PPP2R1A: variants seen among roughly 807,000 people sequenced by gnomAD.
PPP2R1A encodes protein phosphatase 2 scaffold subunit Aalpha, also known as serine/threonine-protein phosphatase 2A 65 kDa regulatory subunit A alpha isoform.
A neutral mutation model predicts 67.1 loss-of-function variants in PPP2R1A; 15 were observed. The ratio of observed to expected loss-of-function variants is 0.22; its 90% CI spans 0.15 to 0.34. PPP2R1A has a LOEUF of 0.34. Ranked by LOEUF, PPP2R1A falls within the 10% of genes least tolerant of loss-of-function variation. PPP2R1A has a pLI of 1.00. For synonymous variants in PPP2R1A, 337 were observed against 325.0 expected (o/e 1.04, Z -0.40); for missense variants, 369 against 775.0 (o/e 0.48, Z 6.22).
rs1444263517 is a variant in PPP2R1A, at chr19:52,195,260, CAG to C, written c.78+5091_78+5092del. Among the ~76,000 whole-genome samples the C allele has an allele frequency of 3.3e-5, 5 of 152,138 alleles. No homozygotes were observed. The East Asian group carries it at 7.7e-4, about 23-fold the overall frequency. On this transcript the variant is annotated intron_variant, in intron 1 of 14. Coordinates refer to ENST00000322088, the MANE Select transcript of PPP2R1A (RefSeq NM_014225.6). ...CTCTGTGCCGAGGCCTGCTGGGACA[CAG>C]AGAGTCCCAGTCTAGGGTGGTAAGT...
Position 52,225,915 on chromosome 19 carries a change from G to A in PPP2R1A, c.1754-50G>A, listed in dbSNP as rs765840738. Reference sequence around the variant, plus strand: ...GAGGGGGAGGTACCTTGGCATTGTGGGCAGAGAGAGGGCTCTGGTTCTGAT... The same window carrying A: ...GAGGGGGAGGTACCTTGGCATTGTGAGCAGAGAGAGGGCTCTGGTTCTGAT... On this transcript the variant is annotated intron_variant, in intron 14 of 14. Transcript: ENST00000322088. The A allele has an allele frequency of 5.6e-6, 9 of 1,614,138 alleles. No homozygotes were observed. The South Asian group carries it at 8.8e-5, about 16-fold the overall frequency.
At position 52,219,927 on chromosome 19, in the gene PPP2R1A, C is replaced by T; in HGVS notation, c.1302+63C>T. 6.5e-7 allele frequency: 1 copy of T among 1,534,782 alleles called. No homozygotes were observed. The highest frequency in any genetic ancestry group is 1.2e-5 in the South Asian group (1 of 81,358). ...CAGGGGAGGTGCAGTATGTCCAGGG[C>T]TGTGATGGGGAAACGGGGCTTTGAA... On this transcript the variant is annotated intron_variant, in intron 10 of 14. Coordinates refer to ENST00000322088, the MANE Select transcript of PPP2R1A (RefSeq NM_014225.6). The surrounding 1 kb of genome is among the most constrained non-coding windows in gnomAD (Gnocchi z 4.0).
intron 14 of PPP2R1A, 23 bp downstream of exon 14, chr19:52,225,831 C>A: frequency 6.2e-7 from 1 of 1,612,484 alleles, no homozygotes; most frequent in Non-Finnish European, 8.5e-7. Context: ...AAGCACGGAG[C>A]CCTAGCAGGA....
chr19:52,207,556 G>A (rs1462926671), intron 3 of PPP2R1A, among the ~76,000 whole-genome samples: 1 of 152,166 alleles, frequency 6.6e-6, no homozygotes, highest in Non-Finnish European at 1.5e-5. Context: ...TGACCGATGT[G>A]CCTGACGTTC....
chr19:52,209,041 A>G (rs2089637597), intron 3 of PPP2R1A, among the ~76,000 whole-genome samples: 1 of 152,120 alleles, frequency 6.6e-6, no homozygotes, highest in South Asian at 2.1e-4. Context: ...CCCTGCCTCC[A>G]GATATTCTGA....
At chr19:52,200,067 G>T (rs1235845735) in intron 1 of PPP2R1A, among the ~76,000 whole-genome samples, 2 of 152,210 alleles carry the variant, frequency 1.3e-5, no homozygotes, top group Admixed American at 6.5e-5. Context: ...CAAGATCTTA[G>T]TCACTTGTAG....
chr19:52,196,904 A>G (rs1161991134), intron 1 of PPP2R1A, among the ~76,000 whole-genome samples: 5 of 152,216 alleles, frequency 3.3e-5, no homozygotes, highest in East Asian at 3.8e-4. Context: ...CCCCATCCCT[A>G]TAAGTTGCAC....
chr19:52,206,959 C>G (rs1228052238), intron 3 of PPP2R1A, among the ~76,000 whole-genome samples: 2 of 152,042 alleles, frequency 1.3e-5, no homozygotes, highest in Admixed American at 1.3e-4. Flanking sequence ...CAGCCTTTCT[C>G]CTAGCTCTAG....
At chr19:52,217,166 G>C (rs1257151540) in intron 9 of PPP2R1A, among the ~76,000 whole-genome samples, 1 of 152,112 alleles carries the variant, frequency 6.6e-6, no homozygotes, top group Admixed American at 6.5e-5. Context: ...CTCCAGCCTG[G>C]ACAACAGAGC....
chr19:52,212,644 C>T lies in PPP2R1A; in HGVS notation c.504-42C>T, dbSNP rs752051857. 1.1e-5 allele frequency: 18 copies of T among 1,602,698 alleles called. No individual in the cohort carries two copies. Among genetic ancestry groups the T allele is most frequent in the Non-Finnish European group, 1.3e-5 (15 of 1,178,890 alleles). Reference sequence around the variant, plus strand: ...AGAGTCTGTGCTTGCTCCTCTCTGCCATACTGCCTGCTGCCTCAGGATCCC... The same window carrying T: ...AGAGTCTGTGCTTGCTCCTCTCTGCTATACTGCCTGCTGCCTCAGGATCCC... On this transcript the variant is annotated intron_variant, in intron 4 of 14. Coordinates refer to ENST00000322088, the MANE Select transcript of PPP2R1A (RefSeq NM_014225.6). This position sits in a 1 kb window ranked among gnomAD's most constrained non-coding sequence, Gnocchi z 4.1.
rs193171792 is a variant in PPP2R1A, at chr19:52,218,325, T to C, written c.1129-1366T>C. On this transcript the variant is annotated intron_variant, in intron 9 of 14. Coordinates refer to ENST00000322088, the MANE Select transcript of PPP2R1A (RefSeq NM_014225.6). ...TACTGCATCACATTTCAGTCCTCCA[T>C]GCCCCTAAAAGTTACGTTATTCAAT... 9.6e-4 allele frequency among the ~76,000 whole-genome samples: 147 copies of C among 152,346 alleles called. 3 individuals carry two copies. The East Asian group carries it at 0.021, about 22-fold the overall frequency.
intron 13 of PPP2R1A, among the ~76,000 whole-genome samples, chr19:52,225,151 G>A (rs1247780262): frequency 1.3e-5 from 2 of 150,728 alleles, no homozygotes; most frequent in East Asian, 3.9e-4. Context: ...CCAAGTAGCT[G>A]GGATCACAGG....
At chr19:52,208,751 G>T (rs1342553744) in intron 3 of PPP2R1A, among the ~76,000 whole-genome samples, 7 of 151,762 alleles carry the variant, frequency 4.6e-5, no homozygotes, top group African/African-American at 7.3e-5. Flanking sequence ...CACCTGCCTT[G>T]GCCTCCCAAA....
Position 52,213,211 on chromosome 19 carries a change from A to G in PPP2R1A, c.807+101A>G. 7.3e-7 allele frequency: 1 copy of G among 1,378,082 alleles called. No individual in the cohort carries two copies. Among genetic ancestry groups the G allele is most frequent in the South Asian group, 1.7e-5 (1 of 60,382 alleles). The allele number at this position is 1,378,082 out of a possible 1,614,324, so 85.4% of individuals were successfully genotyped here. Reference sequence around the variant, plus strand: ...AGGTTTCCATTAGGCCGATGGAACCATTGGGCGTTTGAGCAATAAGATCTC... The same window carrying G: ...AGGTTTCCATTAGGCCGATGGAACCGTTGGGCGTTTGAGCAATAAGATCTC... On this transcript the variant is annotated intron_variant, in intron 6 of 14. Coordinates refer to ENST00000322088, the MANE Select transcript of PPP2R1A (RefSeq NM_014225.6). This position sits in a 1 kb window ranked among gnomAD's most constrained non-coding sequence, Gnocchi z 4.2.
At chr19:52,206,553 G>A (rs1028365450) in intron 3 of PPP2R1A, among the ~76,000 whole-genome samples, 1 of 152,150 alleles carries the variant, frequency 6.6e-6, no homozygotes, top group Non-Finnish European at 1.5e-5. Flanking sequence ...TTTGGGGTAG[G>A]AGGGATTCCC....
rs1978547580 is a variant in PPP2R1A, at chr19:52,216,022, C to T, written c.941C>T (p.Ser314Leu). Residue 314 changes from serine (S) to leucine (L), a missense_variant, in exon 8 of 15, where the codon TCA (serine) becomes TTA (leucine). Physicochemically the swap from Ser to Leu is moderately radical, Grantham distance 145. Transcript: ENST00000322088. This position sits in a 1 kb window ranked among gnomAD's most constrained non-coding sequence, Gnocchi z 4.3. ...CCCACAGAGTTCTGTGAAAACCTCT[C>T]AGCTGACTGTCGGGAGAATGTGATC... ...HKVKEFCENL[S>L]ADCRENVIMS... 1 of 1,614,132 alleles carries T rather than the reference C, an allele frequency of 6.2e-7. No homozygotes were observed. Among genetic ancestry groups the T allele is most frequent in the African/African-American group, 1.3e-5 (1 of 75,064 alleles).
At position 52,210,727 on chromosome 19, in the gene PPP2R1A, C is replaced by T. The variant is rs564766298; in HGVS notation, c.271-533C>T. 8.5e-5 allele frequency among the ~76,000 whole-genome samples: 13 copies of T among 152,218 alleles called. No individual in the cohort carries two copies. The East Asian group carries it at 1.7e-3, about 20-fold the overall frequency. ...CAGGCTGGTCTTGAACTCCTGACCT[C>T]GTGATCCACCCGCTTCAGCCTCCCA... On this transcript the variant is annotated intron_variant, in intron 3 of 14. Coordinates refer to ENST00000322088, the MANE Select transcript of PPP2R1A (RefSeq NM_014225.6).
rs1469225090 is a variant in PPP2R1A at position 52,212,306 on chromosome 19, A to G, written c.504-380A>G. The stretch of plus-strand genomic sequence containing the variant: ...CACTATGTTGCTCAGGCTGGTCTTG[A>G]ACTCCTGGGCTCAAGCAATCCTCCT... On this transcript the variant is annotated intron_variant, in intron 4 of 14. Transcript: ENST00000322088. This position sits in a 1 kb window ranked among gnomAD's most constrained non-coding sequence, Gnocchi z 4.1. 6.6e-6 allele frequency among the ~76,000 whole-genome samples: 1 copy of G among 152,188 alleles called. No individual in the cohort carries two copies. The highest frequency in any genetic ancestry group is 1.9e-4 in the East Asian group (1 of 5,170).
rs1023697423 is a variant in PPP2R1A at position 52,215,773 on chromosome 19, C to G, written c.808-6C>G. ...TCACTCTCCCCCTCCTCCTTCCTGT[C>G]TGCAGCTCCAGAAAGCAGTGGGGCC... On this transcript the variant is annotated splice_polypyrimidine_tract_variant and splice_region_variant and intron_variant, in intron 6 of 14. Coordinates refer to ENST00000322088, the MANE Select transcript of PPP2R1A (RefSeq NM_014225.6). The G allele has an allele frequency of 1.9e-6, 3 of 1,612,498 alleles. No individual in the cohort carries two copies. Among genetic ancestry groups the G allele is most frequent in the Admixed American group, 1.7e-5 (1 of 60,006 alleles).
Sources: allele counts gnomAD v4.1 joint callset (sites outside exome capture counted in the v4.1 genomes callset), GRCh38; gene constraint gnomAD v4.1.1; non-coding constraint Gnocchi (gnomAD v3.1); transcripts MANE v1.5; gene names NCBI Gene and HGNC (gene_info 2026-07-23, HGNC 2026-07-21).